The following ALPL variants were observed in gnomAD, a reference collection of about 807,000 sequenced individuals.
ALPL encodes alkaline phosphatase, tissue-nonspecific isozyme.
ALPL carries 42 observed loss-of-function variants against 51.3 expected under a neutral mutation model. That is an observed-to-expected ratio of 0.82 (90% CI 0.64 to 1.06). ALPL has a LOEUF of 1.06. ALPL is among the 50% of genes least tolerant of loss of function. ALPL has a pLI of 0.00. For synonymous variants in ALPL, 279 were observed against 296.4 expected, an observed-to-expected ratio of 0.94 and a Z score of 0.60; for missense variants, 589 against 709.4, an observed-to-expected ratio of 0.83 and a Z score of 1.93.
chr1:21,572,477 C>G (rs1391454335), intron 8 of ALPL, among the ~76,000 whole-genome samples: 1 of 152,130 alleles, frequency 6.6e-6, no homozygotes. Context: ...TTCGAAATCA[C>G]ACACCATCAT....
At chr1:21,526,845 T>A (rs1643950039) in intron 1 of ALPL, among the ~76,000 whole-genome samples, 1 of 152,138 alleles carries the variant, frequency 6.6e-6, no homozygotes, top group Non-Finnish European at 1.5e-5. Flanking sequence ...CTGTGGCTTT[T>A]CCCTACAAAG....
At chr1:21,565,937 G>A (rs1239867324) in intron 6 of ALPL, among the ~76,000 whole-genome samples, 1 of 152,144 alleles carries the variant, frequency 6.6e-6, no homozygotes, top group African/African-American at 2.4e-5. Flanking sequence ...GTGTGAAGTC[G>A]CTGCCGGGCT....
chr1:21,514,711 G>C (rs959176425), intron 1 of ALPL, among the ~76,000 whole-genome samples: 7 of 152,172 alleles, frequency 4.6e-5, no homozygotes, highest in African/African-American at 1.7e-4. Context: ...GTCGATTGCT[G>C]ATACTAACCT....
rs148974772 is a variant in ALPL, at chr1:21,557,281, G to C, written c.61+3139G>C. On this transcript the variant is annotated intron_variant, in intron 2 of 11. Transcript: ENST00000374840. ...GTCATCATGGGAATCACATGGGATA[G>C]TCACAGTGTCTGGCAAGGAGTGGAT... Among the ~76,000 whole-genome samples, 20 of 152,348 alleles carry C rather than the reference G, an allele frequency of 1.3e-4. 1 individual carries two copies. The highest frequency in any genetic ancestry group is 3.4e-3 in the Middle Eastern group (1 of 294).
At chr1:21,573,465 GAAAAAAGA>G (rs1644679854) in intron 8 of ALPL, among the ~76,000 whole-genome samples, 192 bp from the exon 9 acceptor site, 1 of 145,758 alleles carries the variant, frequency 6.9e-6, no homozygotes, top group Non-Finnish European at 1.5e-5. Flanking sequence ...AAAAGAAAAA[GAAAAAAGA>G]AAAAAAAAGG....
At chr1:21,514,924 T>C (rs1053876659) in intron 1 of ALPL, among the ~76,000 whole-genome samples, 19 of 152,148 alleles carry the variant, frequency 1.2e-4, no homozygotes, top group Admixed American at 1.2e-3. Flanking sequence ...CCCCTAGGTC[T>C]CTATGCCTCT....
At chr1:21,521,288 G>T (rs192230439) in intron 1 of ALPL, among the ~76,000 whole-genome samples, 138 of 152,164 alleles carry the variant, frequency 9.1e-4, no homozygotes, top group African/African-American at 3.1e-3. Flanking sequence ...GGGTTCAAGC[G>T]ATTCTCCTGC....
chr1:21,555,132 A>AG lies in ALPL; in HGVS notation c.61+996dup, dbSNP rs545497276. On this transcript the variant is annotated intron_variant, in intron 2 of 11. Coordinates refer to ENST00000374840, the MANE Select transcript of ALPL (RefSeq NM_000478.6). ...TAGGTAAAGGAAAAATTACAGTCAA[A>AG]GGGGGGTTCTCTGGCGGGCAGGAGT... 4.6e-4 allele frequency among the ~76,000 whole-genome samples: 47 copies of AG among 102,140 alleles called. 2 individuals carry two copies. The South Asian group carries it at 0.014, about 31-fold the overall frequency. 67.0% of individuals were successfully genotyped at this position (102,140 alleles called of 152,430 possible). A position where few individuals can be genotyped will look rare whatever the true frequency, so the allele number is the denominator to read the frequency against.
At chr1:21,513,900 GC>G (rs1260309115) in intron 1 of ALPL, among the ~76,000 whole-genome samples, 1 of 152,110 alleles carries the variant, frequency 6.6e-6, no homozygotes, top group East Asian at 1.9e-4. Context: ...TCTCCACCAC[GC>G]CCCACTGCCT....
intron 1 of ALPL, among the ~76,000 whole-genome samples, chr1:21,549,772 A>G (rs1443071578): frequency 6.6e-6 from 1 of 152,186 alleles, no homozygotes; most frequent in Non-Finnish European, 1.5e-5. Context: ...TCGGTAGTAT[A>G]TGGCTCAGAA....
intron 1 of ALPL, among the ~76,000 whole-genome samples, chr1:21,513,724 T>C (rs949267640): frequency 6.6e-6 from 1 of 152,164 alleles, no homozygotes; most frequent in Non-Finnish European, 1.5e-5. Context: ...TAAACAACTT[T>C]TATTTAGTTG....
At position 21,578,324 on chromosome 1, in the gene ALPL, CAA is replaced by C. The variant is rs960014457; in HGVS notation, c.*684_*685del. On this transcript the variant is annotated 3_prime_UTR_variant, in exon 12 of 12. Transcript: ENST00000374840. The surrounding 1 kb of genome is among the most constrained non-coding windows in gnomAD (Gnocchi z 4.2). ...GAAGCGACTCTCCTGTTTGGAACGG[CAA>C]AAAAAAATTTTTTTTTCTCTTTTTG... 6.6e-6 allele frequency: 1 copy of C among 151,752 alleles called. No homozygotes were observed. 9.4% of individuals were successfully genotyped at this position (151,752 alleles called of 1,614,324 possible).
chr1:21,570,162 G>A, intron 7 of ALPL, 143 bp from the exon 8 acceptor site: 1 of 781,880 alleles, frequency 1.3e-6, no homozygotes, highest in East Asian at 2.7e-5. Flanking sequence ...ATTTCTTGAG[G>A]TCAGGGATGG....
intron 1 of ALPL, among the ~76,000 whole-genome samples, chr1:21,545,638 C>T (rs1644245389): frequency 6.6e-6 from 1 of 151,932 alleles, no homozygotes; most frequent in Non-Finnish European, 1.5e-5. Context: ...CTGTTCAAAC[C>T]GTGTTCAAAT....
chr1:21,570,374 G>C lies in ALPL; in HGVS notation c.862G>C (p.Gly288Arg). ...CCCCCACAATGTGGACTACCTATTG[G>C]GTAAGTGGAGGGGGTGGAGGGGAGG... ...LDPHNVDYLL[G>R]LFEPGDMQYE... Residue 288 changes from glycine (G) to arginine (R), a missense_variant and splice_region_variant, in exon 8 of 12, where the codon GGT (glycine) becomes CGT (arginine). Physicochemically the swap from Gly to Arg is moderately radical, Grantham distance 125 (BLOSUM62 -2). Coordinates refer to ENST00000374840, the MANE Select transcript of ALPL (RefSeq NM_000478.6). 2 of 1,613,944 alleles carry C rather than the reference G, an allele frequency of 1.2e-6. No homozygotes were observed. Among genetic ancestry groups the C allele is most frequent in the Non-Finnish European group, 1.7e-6 (2 of 1,179,910 alleles).
intron 1 of ALPL, among the ~76,000 whole-genome samples, chr1:21,548,405 C>G (rs868679946): frequency 1.3e-5 from 2 of 152,224 alleles, no homozygotes; most frequent in South Asian, 2.1e-4. Context: ...CAATGCCTAT[C>G]CCTGGGGCCA....
At chr1:21,558,391 C>G (rs942072828) in intron 2 of ALPL, among the ~76,000 whole-genome samples, 5 of 152,200 alleles carry the variant, frequency 3.3e-5, no homozygotes, top group Admixed American at 3.3e-4. Context: ...CAAAGAGGCT[C>G]TATGACCAAC....
intron 1 of ALPL, among the ~76,000 whole-genome samples, chr1:21,543,763 G>A (rs1644219944): frequency 6.6e-6 from 1 of 152,200 alleles, no homozygotes; most frequent in Admixed American, 6.5e-5. Context: ...AGCCTGGACA[G>A]TCTGGGGCTG....
At chr1:21,562,839 T>C (rs1305758262) in intron 4 of ALPL, among the ~76,000 whole-genome samples, 1 of 152,080 alleles carries the variant, frequency 6.6e-6, no homozygotes, top group South Asian at 2.1e-4. Context: ...TGACCCCACC[T>C]GAGCCCCAAT....
Sources: allele counts gnomAD v4.1 joint callset (sites outside exome capture counted in the v4.1 genomes callset), GRCh38; gene constraint gnomAD v4.1.1; non-coding constraint Gnocchi (gnomAD v3.1); transcripts MANE v1.5; gene names NCBI Gene and HGNC (gene_info 2026-07-23, HGNC 2026-07-21).